CDH13: variants seen among roughly 807,000 people sequenced by gnomAD.
CDH13 encodes the protein cadherin-13.
Under a neutral mutation model 63.8 loss-of-function variants are expected in CDH13, and 24 were observed. The ratio of observed to expected loss-of-function variants is 0.38; its 90% CI spans 0.27 to 0.53. The LOEUF is 0.53. Ranked by LOEUF, CDH13 falls within the 20% of genes least tolerant of loss-of-function variation. CDH13 has a pLI of 0.85. For synonymous variants in CDH13, 503 were observed against 355.3 expected (o/e 1.42, Z -4.67); for missense variants, 1,049 against 903.1 (o/e 1.16, Z -2.07).
intron 2 of CDH13, among the ~76,000 whole-genome samples, chr16:83,026,156 GTTCTCAGTGTGACCTCACTT>G (rs1349024277): frequency 6.6e-6 from 1 of 152,226 alleles, no homozygotes; most frequent in Non-Finnish European, 1.5e-5. Context: ...AACTGCAGTT[GTTCTCAGTGTGACCTCACTT>G]GGTACCTCTG....
At chr16:83,586,239 G>A (rs553519177) in intron 7 of CDH13, among the ~76,000 whole-genome samples, 5 of 152,314 alleles carry the variant, frequency 3.3e-5, no homozygotes, top group South Asian at 4.1e-4. Flanking sequence ...GCACACAGGT[G>A]TGCTTGCACC....
intron 3 of CDH13, among the ~76,000 whole-genome samples, chr16:83,072,355 A>G (rs2032502925): frequency 6.6e-6 from 1 of 152,222 alleles, no homozygotes; most frequent in South Asian, 2.1e-4. Context: ...ATATAATGCT[A>G]GAAATAATGC....
chr16:83,779,994 A>T lies in CDH13; in HGVS notation c.1708A>T (p.Thr570Ser). ...CAACCCTCCCGCTACGGGCACTGGGACTTTGCTGATAACCCTGGAGGACGT... is the reference window on the plus strand; with the variant it reads ...CAACCCTCCCGCTACGGGCACTGGGTCTTTGCTGATAACCCTGGAGGACGT... The part of the protein sequence containing the change: ...SGNPPATGTG[T>S]LLITLEDVND... Residue 570 changes from threonine (T) to serine (S), a missense_variant, in exon 12 of 14, where the codon ACT becomes TCT. Transcript: ENST00000567109. 1 of 1,612,370 alleles carries T rather than the reference A, an allele frequency of 6.2e-7. No homozygotes were observed. Among genetic ancestry groups the T allele is most frequent in the East Asian group, 2.2e-5 (1 of 44,842 alleles).
intron 5 of CDH13, among the ~76,000 whole-genome samples, chr16:83,245,022 A>C (rs573872484): frequency 6.6e-6 from 1 of 151,996 alleles, no homozygotes; most frequent in South Asian, 2.1e-4. Context: ...CCAAATCATC[A>C]TTCCCAAATA....
chr16:83,030,283 T>C lies in CDH13; in HGVS notation c.158-1727T>C, dbSNP rs144758752. Among the ~76,000 whole-genome samples, 117 of 152,302 alleles carry C rather than the reference T, an allele frequency of 7.7e-4. 1 individual carries two copies. The East Asian group carries it at 0.021, about 28-fold the overall frequency. On this transcript the variant is annotated intron_variant, in intron 2 of 13. Transcript: ENST00000567109. ...TTGGAACTGGGTCTCTTGGCCTCTC[T>C]TCCTGCCCTTCTTTAAATCACTTGC...
At chr16:82,696,426 TTTGTA>T (rs2030299066) in intron 1 of CDH13, among the ~76,000 whole-genome samples, 1 of 152,198 alleles carries the variant, frequency 6.6e-6, no homozygotes, top group African/African-American at 2.4e-5. Flanking sequence ...ACACCGTTGT[TTTGTA>T]AGAGTAAGAA....
chr16:82,998,642 C>T (rs1462395639), intron 2 of CDH13, among the ~76,000 whole-genome samples: 1 of 152,140 alleles, frequency 6.6e-6, no homozygotes, highest in African/African-American at 2.4e-5. Context: ...GGGTCATTCT[C>T]CTCTGCTATG....
intron 6 of CDH13, among the ~76,000 whole-genome samples, chr16:83,392,445 C>G (rs2091806595): frequency 6.6e-6 from 1 of 152,194 alleles, no homozygotes; most frequent in Admixed American, 6.5e-5. Context: ...AGTGCTATTT[C>G]ATGGATTTTA....
intron 2 of CDH13, among the ~76,000 whole-genome samples, chr16:82,993,638 CTG>C (rs1206051730): frequency 6.6e-6 from 1 of 152,088 alleles, no homozygotes; most frequent in African/African-American, 2.4e-5. Flanking sequence ...TTATATCAGA[CTG>C]TGTCTGCTAG....
At position 83,007,917 on chromosome 16, in the gene CDH13, AAAC is replaced by A. The variant is rs1213742168; in HGVS notation, c.158-24088_158-24086del. Among the ~76,000 whole-genome samples the A allele has an allele frequency of 2.6e-5, 4 of 152,146 alleles. No homozygotes were observed. The South Asian group carries it at 6.2e-4, about 24-fold the overall frequency. On this transcript the variant is annotated intron_variant, in intron 2 of 13. Transcript: ENST00000567109. Reference sequence around the variant, plus strand: ...CTTTTATCCATAGCTATACTTGGCCAAACAACATTAAGTCAGGTTATATTTGTC... The same window carrying A: ...CTTTTATCCATAGCTATACTTGGCCAAACATTAAGTCAGGTTATATTTGTC...
chr16:82,803,050 C>T (rs905167491), intron 1 of CDH13, among the ~76,000 whole-genome samples: 1 of 152,162 alleles, frequency 6.6e-6, no homozygotes, highest in Non-Finnish European at 1.5e-5. Flanking sequence ...AGAAACAGTG[C>T]CAGGCCATGG....
intron 6 of CDH13, among the ~76,000 whole-genome samples, chr16:83,471,864 T>C (rs1651366478): frequency 6.6e-6 from 1 of 152,192 alleles, no homozygotes; most frequent in African/African-American, 2.4e-5. Context: ...CCTTGGGATA[T>C]TGTTGAGGCT....
At chr16:82,962,760 C>T (rs1284192758) in intron 2 of CDH13, among the ~76,000 whole-genome samples, 1 of 152,140 alleles carries the variant, frequency 6.6e-6, no homozygotes, top group Non-Finnish European at 1.5e-5. Flanking sequence ...TTTTTCAGAT[C>T]TCAAGGTGTC....
chr16:82,877,968 C>G (rs1475435398), intron 2 of CDH13, among the ~76,000 whole-genome samples: 1 of 144,358 alleles, frequency 6.9e-6, no homozygotes, highest in Non-Finnish European at 1.5e-5. Context: ...CACATATACA[C>G]ACACACACAC....
chr16:82,844,429 C>T (rs1185872559), intron 1 of CDH13: 1 of 151,506 alleles, frequency 6.6e-6, no homozygotes, highest in African/African-American at 2.4e-5. Context: ...GTTAAACCGC[C>T]TCTCTACTAA....
rs190597911 is a variant in CDH13, at chr16:83,153,497, T to A, written c.483+27996T>A. On this transcript the variant is annotated intron_variant, in intron 4 of 13. Transcript: ENST00000567109. The stretch of plus-strand genomic sequence containing the variant: ...GTCTAATCCCCAGGCAAGAAAGAGG[T>A]TTGTTTCGGGAAAGGGCTGTTATCA... 4.6e-5 allele frequency among the ~76,000 whole-genome samples: 7 copies of A among 152,208 alleles called. No homozygotes were observed. The East Asian group carries it at 1.4e-3, about 29-fold the overall frequency.
At chr16:82,722,761 A>C (rs1182821622) in intron 1 of CDH13, among the ~76,000 whole-genome samples, 1 of 152,136 alleles carries the variant, frequency 6.6e-6, no homozygotes, top group African/African-American at 2.4e-5. Context: ...TGAATAATTC[A>C]GTTCCTATCC....
At chr16:83,199,933 G>A (rs1320727615) in intron 4 of CDH13, among the ~76,000 whole-genome samples, 1 of 152,152 alleles carries the variant, frequency 6.6e-6, no homozygotes, top group African/African-American at 2.4e-5. Flanking sequence ...ACTGCACCAC[G>A]GGGGCAGGAA....
At chr16:82,691,962 C>G (rs368000050) in intron 1 of CDH13, among the ~76,000 whole-genome samples, 1 of 152,084 alleles carries the variant, frequency 6.6e-6, no homozygotes, top group African/African-American at 2.4e-5. Context: ...CTGATATATG[C>G]TGACAGTTAG....
Sources: gnomAD v4.1 joint callset for allele counts (sites outside exome capture counted in the v4.1 genomes callset) on GRCh38, gnomAD v4.1.1 for gene constraint, MANE v1.5 for transcripts, NCBI Gene and HGNC (gene_info 2026-07-23, HGNC 2026-07-21) for gene names.